FMNL2: variants seen among roughly 807,000 people sequenced by gnomAD.
FMNL2 encodes formin-like protein 2.
Under a neutral mutation model 130.2 loss-of-function variants are expected in FMNL2, and 51 were observed. The observed-to-expected ratio is 0.39, with a 90% confidence interval of 0.31 to 0.49. The LOEUF is 0.49. Ranked by LOEUF, FMNL2 falls within the 20% of genes least tolerant of loss-of-function variation. The pLI, the probability that FMNL2 is intolerant of heterozygous loss-of-function variation, is 0.85. For synonymous variants in FMNL2, 465 were observed against 467.1 expected, an observed-to-expected ratio of 1.00 and a Z score of 0.06; for missense variants, 977 against 1,316.2, an observed-to-expected ratio of 0.74 and a Z score of 3.99.
intron 4 of FMNL2, among the ~76,000 whole-genome samples, chr2:152,550,446 G>T (rs951449575): frequency 1.3e-5 from 2 of 152,232 alleles, no homozygotes; most frequent in African/African-American, 4.8e-5. Context: ...AACTGGAAGA[G>T]AAATTAAGAA....
At chr2:152,340,855 C>G (rs896714944) in intron 1 of FMNL2, among the ~76,000 whole-genome samples, 7 of 152,104 alleles carry the variant, frequency 4.6e-5, no homozygotes, top group African/African-American at 1.7e-4. Flanking sequence ...CCATGCCCGG[C>G]TGATTTTTGT....
intron 1 of FMNL2, among the ~76,000 whole-genome samples, chr2:152,373,354 T>G (rs1683991181): frequency 6.6e-6 from 1 of 151,828 alleles, no homozygotes; most frequent in East Asian, 1.9e-4. Flanking sequence ...TTGGGGGGAG[T>G]TTTAGTTTGT....
At position 152,575,321 on chromosome 2, in the gene FMNL2, C is replaced by A. The variant is rs1579997046; in HGVS notation, c.705+77C>A. ...AGAAATGACTGCTGGGTGCAGTGTA[C>A]ACCGCTTGGGCGAAGGGTACAATAA... On this transcript the variant is annotated intron_variant, in intron 7 of 25. Coordinates refer to ENST00000288670, the MANE Select transcript of FMNL2 (RefSeq NM_052905.4). The A allele has an allele frequency of 3.3e-6, 3 of 900,884 alleles. No individual in the cohort carries two copies. The East Asian group carries it at 8.0e-5, about 24-fold the overall frequency. The allele number at this position is 900,884 out of a possible 1,614,324, so 55.8% of individuals were successfully genotyped here.
chr2:152,502,762 G>A (rs183235123), intron 1 of FMNL2, among the ~76,000 whole-genome samples: 47 of 152,176 alleles, frequency 3.1e-4, no homozygotes, highest in African/African-American at 1.1e-3. Flanking sequence ...GGGAGAGGAA[G>A]GTACAGAAGT....
chr2:152,558,626 C>CTT (rs1695355265), intron 4 of FMNL2, 114 bp from the exon 5 acceptor site: 2 of 904,790 alleles, frequency 2.2e-6, no homozygotes, highest in African/African-American at 3.3e-5. Context: ...TCCCTATGTC[C>CTT]TTTCAGGCAA....
intron 18 of FMNL2, among the ~76,000 whole-genome samples, chr2:152,629,411 A>G (rs570406103): frequency 2.9e-4 from 44 of 152,298 alleles, no homozygotes; most frequent in African/African-American, 9.9e-4. Context: ...ATTTTGTGAT[A>G]AGCAAGTTCC....
chr2:152,616,262 T>C (rs1029143611), intron 12 of FMNL2, among the ~76,000 whole-genome samples: 3 of 152,036 alleles, frequency 2.0e-5, no homozygotes, highest in African/African-American at 4.8e-5. Context: ...TGTCCACTTT[T>C]GTAGCAGCAA....
At chr2:152,412,482 A>T (rs1245322533) in intron 1 of FMNL2, among the ~76,000 whole-genome samples, 1 of 90,034 alleles carries the variant, frequency 1.1e-5, no homozygotes, top group African/African-American at 5.7e-5. Flanking sequence ...ATATATATAT[A>T]TATATATATA....
intron 1 of FMNL2, among the ~76,000 whole-genome samples, chr2:152,338,123 A>C (rs559153933): frequency 6.6e-6 from 1 of 151,970 alleles, no homozygotes; most frequent in African/African-American, 2.4e-5. Flanking sequence ...TGTGGACATC[A>C]ATCTTGAAGG....
chr2:152,583,493 G>C (rs73008185), intron 9 of FMNL2, among the ~76,000 whole-genome samples: 6,963 of 152,224 alleles, frequency 0.046, 545 homozygotes, highest in African/African-American at 0.16. Context: ...AGGTGGTTTG[G>C]GGCTGCTACC....
intron 1 of FMNL2, among the ~76,000 whole-genome samples, chr2:152,367,319 G>A (rs968868437): frequency 1.3e-5 from 2 of 151,896 alleles, no homozygotes; most frequent in East Asian, 1.9e-4. Flanking sequence ...CAAGTGATCC[G>A]CCCACCTTAG....
chr2:152,360,391 G>A (rs1683093062), intron 1 of FMNL2, among the ~76,000 whole-genome samples: 1 of 151,816 alleles, frequency 6.6e-6, no homozygotes, highest in African/African-American at 2.4e-5. Context: ...GAGTGCAGTG[G>A]TGGAATTATA....
chr2:152,494,667 A>T (rs193156791), intron 1 of FMNL2, among the ~76,000 whole-genome samples: 22 of 152,330 alleles, frequency 1.4e-4, no homozygotes, highest in African/African-American at 4.8e-4. Flanking sequence ...ATCGTGGTGA[A>T]TTGGTTTTTA....
chr2:152,452,180 G>C (rs1269060483), intron 1 of FMNL2, among the ~76,000 whole-genome samples: 1 of 152,114 alleles, frequency 6.6e-6, no homozygotes, highest in Admixed American at 6.5e-5. Flanking sequence ...CCGAAAGACA[G>C]TTGAGGGACT....
At chr2:152,587,897 G>T (rs1697173941) in intron 9 of FMNL2, among the ~76,000 whole-genome samples, 1 of 152,210 alleles carries the variant, frequency 6.6e-6, no homozygotes, top group South Asian at 2.1e-4. Flanking sequence ...TTCGACAGTT[G>T]TAATACCAGG....
At chr2:152,578,471 GC>G (rs1307343304) in intron 7 of FMNL2, 2 of 155,558 alleles carry the variant, frequency 1.3e-5, no homozygotes, top group African/African-American at 4.8e-5. Context: ...AGTTTAAGGA[GC>G]GGCCAAGGTT....
chr2:152,412,810 A>T (rs1558841419), intron 1 of FMNL2, among the ~76,000 whole-genome samples: 1 of 151,962 alleles, frequency 6.6e-6, no homozygotes, highest in Non-Finnish European at 1.5e-5. Flanking sequence ...CTGTCTCAAA[A>T]AAAAAGCTAA....
intron 2 of FMNL2, among the ~76,000 whole-genome samples, chr2:152,540,410 C>T (rs914990539): frequency 1.3e-5 from 2 of 151,836 alleles, no homozygotes; most frequent in Non-Finnish European, 2.9e-5. Flanking sequence ...AAATTGCTCT[C>T]GAGATAGAAC....
chr2:152,492,019 A>G (rs1333418300), intron 1 of FMNL2, among the ~76,000 whole-genome samples: 1 of 152,242 alleles, frequency 6.6e-6, no homozygotes, highest in African/African-American at 2.4e-5. Context: ...ATACATTTTA[A>G]TCATTTATGT....
Sources: allele counts gnomAD v4.1 joint callset (sites outside exome capture counted in the v4.1 genomes callset), GRCh38; gene constraint gnomAD v4.1.1; transcripts MANE v1.5; gene names NCBI Gene and HGNC (gene_info 2026-07-23, HGNC 2026-07-21).